The following UXS1 variants were observed in gnomAD, a reference collection of about 807,000 sequenced individuals.
UXS1 encodes UDP-glucuronate decarboxylase 1, also known as UDP-glucuronic acid decarboxylase 1.
In UXS1, 33 loss-of-function variants were observed where a neutral mutation model predicts 62.6. The ratio of observed to expected loss-of-function variants is 0.53; its 90% CI spans 0.40 to 0.70. UXS1 has a LOEUF of 0.70. Among genes scored for constraint, UXS1 ranks in the 30% least tolerant of loss-of-function variants. The pLI, the probability that UXS1 is intolerant of heterozygous loss-of-function variation, is 0.00. For missense variants in UXS1, 434 were observed against 556.3 expected (o/e 0.78, Z 2.21); for synonymous variants, 213 against 206.8 (o/e 1.03, Z -0.26).
intron 12 of UXS1, chr2:106,100,663 A>G (rs1677515082): frequency 5.6e-6 from 1 of 179,718 alleles, no homozygotes; most frequent in African/African-American, 2.4e-5. Context: ...AATGACAGAC[A>G]TCATCAGCAA....
At chr2:106,175,127 C>T (rs766810638) in intron 1 of UXS1, among the ~76,000 whole-genome samples, 27 of 152,300 alleles carry the variant, frequency 1.8e-4, no homozygotes, top group Admixed American at 3.3e-4. Context: ...GAATGAATAG[C>T]GATTTCCAAC....
rs1681482868 is a variant in UXS1 at position 106,145,370 on chromosome 2, T to C, written c.292A>G (p.Ile98Val). ...CCCACGAACCCTGCGCCTCCTGTTA[T>C]CTGCATCCGGACAGCGTGTGCAGAG... is the stretch of plus-strand genomic sequence containing the variant. ...LSEKDRKRIL[I>V]TGGAGFVGSH... The change falls in exon 6 of 15, where the codon ATA becomes GTA. Residue 98 changes from isoleucine (I) to valine (V), a missense_variant and splice_region_variant. Physicochemically the swap from Ile to Val is conservative, Grantham distance 29. Coordinates refer to ENST00000283148, the MANE Select transcript of UXS1 (RefSeq NM_001253875.2). 1.2e-6 allele frequency: 2 copies of C among 1,612,260 alleles called. No individual in the cohort carries two copies. The highest frequency in any genetic ancestry group is 1.7e-6 in the Non-Finnish European group (2 of 1,179,022).
chr2:106,149,510 T>G (rs568418208), intron 5 of UXS1, among the ~76,000 whole-genome samples: 31 of 152,308 alleles, frequency 2.0e-4, no homozygotes, highest in African/African-American at 7.0e-4. Context: ...TTCAGTCCCT[T>G]TGGTCTCTCT....
intron 5 of UXS1, among the ~76,000 whole-genome samples, chr2:106,148,647 T>C (rs1367275967): frequency 6.6e-6 from 1 of 152,222 alleles, no homozygotes; most frequent in African/African-American, 2.4e-5. Context: ...CTACCTAAAA[T>C]ACTTAAGATT....
chr2:106,123,450 G>A (rs1365454094), intron 8 of UXS1, among the ~76,000 whole-genome samples: 1 of 152,170 alleles, frequency 6.6e-6, no homozygotes, highest in Non-Finnish European at 1.5e-5. Flanking sequence ...TTATAAAGTT[G>A]ATAACTGGAG....
intron 1 of UXS1, among the ~76,000 whole-genome samples, chr2:106,178,905 A>G (rs2105099810): frequency 6.6e-6 from 1 of 152,344 alleles, no homozygotes; most frequent in South Asian, 2.1e-4. Flanking sequence ...TGACCAAGAA[A>G]TAATCAGCGT....
At chr2:106,145,161 A>G (rs368442414) in intron 6 of UXS1, 29 bp downstream of exon 6, 3 of 1,604,582 alleles carry the variant, frequency 1.9e-6, no homozygotes, top group Non-Finnish European at 2.6e-6. Context: ...CGGAGCTCTG[A>G]ATAATAACAA....
At chr2:106,120,196 C>T (rs751447145) in intron 9 of UXS1, among the ~76,000 whole-genome samples, 1 of 152,188 alleles carries the variant, frequency 6.6e-6, no homozygotes, top group Non-Finnish European at 1.5e-5. Context: ...AATAACGGGA[C>T]GGAAGGTGGG....
At chr2:106,104,944 G>C (rs1284824930) in intron 10 of UXS1, 107 bp from the exon 11 acceptor site, 61 of 1,344,246 alleles carry the variant, frequency 4.5e-5, no homozygotes, top group Middle Eastern at 3.6e-4. Context: ...TGATCCCAGG[G>C]GGCAGTGATG....
chr2:106,187,827 C>T (rs1448373220), intron 1 of UXS1, among the ~76,000 whole-genome samples: 1 of 151,850 alleles, frequency 6.6e-6, no homozygotes, highest in African/African-American at 2.4e-5. Flanking sequence ...CTGCAATTTC[C>T]GCCTCCGGGT....
Position 106,098,604 on chromosome 2 carries a change from T to C in UXS1, c.1042+112A>G, listed in dbSNP as rs56245142. 7.3e-4 allele frequency: 640 copies of C among 874,854 alleles called. 1 individual carries two copies. Among genetic ancestry groups the C allele is most frequent in the Admixed American group, 1.9e-3 (82 of 42,880 alleles). The allele number at this position is 874,854 out of a possible 1,614,324, so 54.2% of individuals were successfully genotyped here. On this transcript the variant is annotated intron_variant, in intron 13 of 14. Coordinates refer to ENST00000283148, the MANE Select transcript of UXS1 (RefSeq NM_001253875.2). ...AAGTATTCCTGATAAAAAGTTCTGC[T>C]TTGATCCAATTCAATTAGCTTGTAT...
At chr2:106,176,025 C>T (rs1480662706) in intron 1 of UXS1, among the ~76,000 whole-genome samples, 2 of 152,186 alleles carry the variant, frequency 1.3e-5, no homozygotes, top group Admixed American at 6.5e-5. Flanking sequence ...CCCTCCTCAC[C>T]CACAGCTTGC....
chr2:106,100,774 C>T (rs534272426), intron 12 of UXS1: 10 of 402,774 alleles, frequency 2.5e-5, no homozygotes, highest in South Asian at 1.7e-4. Flanking sequence ...TGCACACACA[C>T]GTCCACCTAC....
At chr2:106,140,309 C>T (rs1680995305) in intron 6 of UXS1, among the ~76,000 whole-genome samples, 1 of 152,170 alleles carries the variant, frequency 6.6e-6, no homozygotes, top group Non-Finnish European at 1.5e-5. Flanking sequence ...AGGAAGCCTC[C>T]AACAGCTCCA....
chr2:106,096,720 C>A lies in UXS1; in HGVS notation c.1144G>T (p.Val382Leu), dbSNP rs866288666. The A allele has an allele frequency of 6.4e-7, 1 of 1,566,878 alleles. No individual in the cohort carries two copies. The highest frequency in any genetic ancestry group is 2.3e-5 in the East Asian group (1 of 42,860). The part of the protein sequence containing the change: ...KAKLMLGWEP[V>L]VPLEEGLNKA... The stretch of plus-strand genomic sequence containing the variant: ...CAGCATTAACTCCCTGCACTTACCA[C>A]GGGCTCCCACCCCAGCATCAGCTTT... Residue 382 changes from valine to leucine, a missense_variant and splice_region_variant, in exon 14 of 15, where the codon GTG becomes TTG. Transcript: ENST00000283148.
chr2:106,100,741 C>T (rs548292482), intron 12 of UXS1: 15 of 276,952 alleles, frequency 5.4e-5, no homozygotes, highest in Non-Finnish European at 9.4e-5. Context: ...AATGATGACC[C>T]GCCTGTTAAA....
intron 6 of UXS1, among the ~76,000 whole-genome samples, chr2:106,141,873 T>TC (rs1681129220): frequency 6.6e-6 from 1 of 151,346 alleles, no homozygotes; most frequent in Non-Finnish European, 1.5e-5. Flanking sequence ...GTGTTTTTTT[T>TC]TTGGTTTTTT....
intron 1 of UXS1, among the ~76,000 whole-genome samples, chr2:106,184,730 C>T (rs1023067225): frequency 1.3e-5 from 2 of 152,176 alleles, no homozygotes; most frequent in Non-Finnish European, 2.9e-5. Flanking sequence ...AATGCCATCA[C>T]TTCAAGGATT....
At chr2:106,130,362 C>A (rs865974658) in intron 6 of UXS1, among the ~76,000 whole-genome samples, 10 of 152,268 alleles carry the variant, frequency 6.6e-5, no homozygotes, top group Middle Eastern at 3.4e-3. Flanking sequence ...CTACCCACAG[C>A]GTTCCAGCAC....
Sources: allele counts gnomAD v4.1 joint callset (sites outside exome capture counted in the v4.1 genomes callset), GRCh38; gene constraint gnomAD v4.1.1; transcripts MANE v1.5; gene names NCBI Gene and HGNC (gene_info 2026-07-23, HGNC 2026-07-21).